The following GRIA3 variants were observed in gnomAD, a reference collection of about 807,000 sequenced individuals.
GRIA3 encodes glutamate receptor 3.
Under a neutral mutation model 63.0 loss-of-function variants are expected in GRIA3, and 3 were observed. The observed-to-expected ratio is 0.05, with a 90% CI of 0.02 to 0.12. The LOEUF (loss-of-function observed/expected upper bound fraction) is 0.12. GRIA3 is among the 10% of genes least tolerant of loss of function. GRIA3 has a pLI of 1.00. For missense variants in GRIA3, 347 were observed against 700.9 expected, an observed-to-expected ratio of 0.50 and a Z score of 5.70; for synonymous variants, 274 against 257.9, an observed-to-expected ratio of 1.06 and a Z score of -0.60.
At chrX:123,352,562 A>G (rs1012834384) in intron 4 of GRIA3, among the ~76,000 whole-genome samples, 1 of 111,596 alleles carries the variant, frequency 9.0e-6, no homozygotes, top group African/African-American at 3.3e-5. Flanking sequence ...GATGTCTTCT[A>G]TTGCTCCCTC....
intron 3 of GRIA3, among the ~76,000 whole-genome samples, chrX:123,264,692 C>T (rs1025279578): frequency 2.7e-5 from 3 of 111,858 alleles, no homozygotes; most frequent in African/African-American, 9.7e-5. Flanking sequence ...TAGAATCTTC[C>T]TAGAGATGTT....
At chrX:123,395,545 C>G (rs760148939) in intron 6 of GRIA3, among the ~76,000 whole-genome samples, 1 of 111,777 alleles carries the variant, frequency 8.9e-6, no homozygotes, top group African/African-American at 3.3e-5. Context: ...AATCTCAGTA[C>G]ACCCAAGTGA....
chrX:123,354,701 C>G (rs1021891574), intron 4 of GRIA3, among the ~76,000 whole-genome samples: 3 of 110,642 alleles, frequency 2.7e-5, no homozygotes, highest in African/African-American at 9.9e-5. Flanking sequence ...GTTTTTTTCC[C>G]CTTGTTTTGA....
chrX:123,208,639 G>A (rs146556006), intron 2 of GRIA3, among the ~76,000 whole-genome samples: 14 of 111,838 alleles, frequency 1.3e-4, no homozygotes, highest in East Asian at 2.8e-4. Flanking sequence ...CTGAGTCATC[G>A]AATCATAGGC....
chrX:123,368,688 C>T (rs766266967), intron 5 of GRIA3, among the ~76,000 whole-genome samples: 2 of 109,460 alleles, frequency 1.8e-5, no homozygotes, highest in African/African-American at 6.7e-5. Flanking sequence ...GTGACAAAAA[C>T]TGTGTGGGCA....
At chrX:123,236,138 G>T (rs1013612330) in intron 2 of GRIA3, among the ~76,000 whole-genome samples, 2 of 111,828 alleles carry the variant, frequency 1.8e-5, no homozygotes, top group African/African-American at 6.5e-5. Flanking sequence ...AAAGGACTCT[G>T]CACTTCGTTT....
chrX:123,246,929 T>C (rs1372856887), intron 2 of GRIA3, among the ~76,000 whole-genome samples: 1 of 105,772 alleles, frequency 9.5e-6, no homozygotes, highest in Non-Finnish European at 1.9e-5. Context: ...ACACACACAA[T>C]AAAACACAGC....
rs977151644 is a variant in GRIA3, at chrX:123,489,960, C to G, written c.*1250C>G. 1 of 112,539 alleles carries G rather than the reference C, an allele frequency of 8.9e-6. No homozygotes were observed. The highest frequency in any genetic ancestry group is 3.2e-5 in the African/African-American group (1 of 30,860). 9.3% of individuals were successfully genotyped at this position (112,539 alleles called of 1,213,427 possible). On this transcript the variant is annotated 3_prime_UTR_variant, in exon 16 of 16. Transcript: ENST00000620443. ...CCTCAGCATCACTTCCAGATCCTTG[C>G]TTGGAGCAGTCTCTCTATTGACTCT...
At chrX:123,277,853 A>G (rs2044564081) in intron 3 of GRIA3, among the ~76,000 whole-genome samples, 1 of 111,767 alleles carries the variant, frequency 8.9e-6, no homozygotes, top group Non-Finnish European at 1.9e-5. Context: ...GACAATGAGG[A>G]AAATGAGATA....
chrX:123,379,488 C>T (rs1217407893), intron 5 of GRIA3, among the ~76,000 whole-genome samples: 1 of 110,577 alleles, frequency 9.0e-6, no homozygotes, highest in East Asian at 2.9e-4. Context: ...TCTTTATTTC[C>T]TGTCTACTTG....
At chrX:123,209,572 T>C (rs1323230216) in intron 2 of GRIA3, among the ~76,000 whole-genome samples, 1 of 111,904 alleles carries the variant, frequency 8.9e-6, no homozygotes, top group Non-Finnish European at 1.9e-5. Flanking sequence ...ACCTAAACTT[T>C]GATCAAGATT....
In GRIA3 at chrX:123,293,374, C is replaced by T. The variant is rs182797574; in HGVS notation, c.509-32652C>T. On this transcript the variant is annotated intron_variant, in intron 3 of 15. Transcript: ENST00000620443. ...GAAAATATATAATAAATCCTAACCA[C>T]GAAACATTTCATAAAGTAGAAGGTT... Among the ~76,000 whole-genome samples the T allele has an allele frequency of 6.7e-3, 751 of 111,382 alleles. 5 individuals are homozygous for T. The highest frequency in any genetic ancestry group is 0.023 in the African/African-American group (716 of 30,741).
Position 123,392,291 on chromosome X carries a change from C to T in GRIA3, c.751-2677C>T, listed in dbSNP as rs184295649. ...GACTCGTGTTTCGCCCTGGCAGCAG[C>T]AGCCAACAATAAAGCCCAGCCCTGC... is the stretch of plus-strand genomic sequence containing the variant. On this transcript the variant is annotated intron_variant, in intron 5 of 15. Coordinates refer to ENST00000620443, the MANE Select transcript of GRIA3 (RefSeq NM_007325.5). Among the ~76,000 whole-genome samples the T allele has an allele frequency of 5.4e-5, 6 of 111,825 alleles. No individual in the cohort carries two copies. In the East Asian group the frequency reaches 1.7e-3, roughly 32 times the overall value.
At position 123,184,918 on chromosome X, in the gene GRIA3, C is replaced by T. The variant is rs112616639; in HGVS notation, c.109+274C>T. Reference sequence around the variant, plus strand: ...AGGTTTTCCGAGCCGAGAGGAGCACCGGAGGCGAGCAGGAGGCTGGGATGC... The same window carrying T: ...AGGTTTTCCGAGCCGAGAGGAGCACTGGAGGCGAGCAGGAGGCTGGGATGC... On this transcript the variant is annotated intron_variant, in intron 1 of 15. Transcript: ENST00000620443. 411 of 453,389 alleles carry T rather than the reference C, an allele frequency of 9.1e-4. 1 individual carries two copies. The highest frequency in any genetic ancestry group is 8.2e-3 in the African/African-American group (345 of 41,871). 37.4% of individuals were successfully genotyped at this position (453,389 alleles called of 1,213,427 possible).
rs932700256 is a variant in GRIA3 at position 123,271,047 on chromosome X, A to T, written c.508+17505A>T. Reference sequence around the variant, plus strand: ...GAAGACAAAAATAGGAGGCAAAGGCAACCTTCTCACTGACCCCATAATTTC... The same window carrying T: ...GAAGACAAAAATAGGAGGCAAAGGCTACCTTCTCACTGACCCCATAATTTC... On this transcript the variant is annotated intron_variant, in intron 3 of 15. Transcript: ENST00000620443. 3.6e-5 allele frequency among the ~76,000 whole-genome samples: 4 copies of T among 111,964 alleles called. No individual in the cohort carries two copies. The South Asian group carries it at 1.5e-3, about 42-fold the overall frequency.
intron 3 of GRIA3, among the ~76,000 whole-genome samples, chrX:123,306,473 T>C (rs1369008984): frequency 8.9e-6 from 1 of 112,025 alleles, no homozygotes; most frequent in African/African-American, 3.2e-5. Context: ...GCAGGGTTGA[T>C]CTATTCAAAT....
At chrX:123,312,563 T>C (rs764583197) in intron 3 of GRIA3, among the ~76,000 whole-genome samples, 53 of 111,349 alleles carry the variant, frequency 4.8e-4, no homozygotes, top group Non-Finnish European at 9.1e-4. Context: ...TAGATTAGAG[T>C]GGGCCTCAGT....
intron 3 of GRIA3, among the ~76,000 whole-genome samples, chrX:123,260,461 G>GAAAGA (rs1569409644): frequency 0.011 from 39 of 3,508 alleles, 9 homozygotes; most frequent in Non-Finnish European, 0.018. Flanking sequence ...AGAAAGAAAG[G>GAAAGA]AAGGAAGAAG....
intron 5 of GRIA3, 81 bp downstream of exon 5, chrX:123,355,044 C>A: frequency 1.4e-6 from 1 of 707,282 alleles, no homozygotes; most frequent in Non-Finnish European, 2.3e-6. Context: ...GGAAATACAT[C>A]AAGTACCTAA....
Sources: gnomAD v4.1 joint callset for allele counts (sites outside exome capture counted in the v4.1 genomes callset) on GRCh38, gnomAD v4.1.1 for gene constraint, MANE v1.5 for transcripts, NCBI Gene and HGNC (gene_info 2026-07-23, HGNC 2026-07-21) for gene names.